OPRK1: variants seen among roughly 807,000 people sequenced by gnomAD.
OPRK1 encodes opioid receptor kappa 1.
OPRK1 carries 15 observed loss-of-function variants against 24.5 expected under a neutral mutation model. That is an observed-to-expected ratio of 0.61 (90% CI 0.41 to 0.94). The LOEUF (loss-of-function observed/expected upper bound fraction) is 0.94, where lower values mean the gene tolerates loss of function less well. Ranked by LOEUF, OPRK1 falls within the 40% of genes least tolerant of loss-of-function variation. The pLI is 0.00. For synonymous variants in OPRK1, 205 were observed against 198.0 expected, an observed-to-expected ratio of 1.04 and a Z score of -0.30; for missense variants, 479 against 507.3, an observed-to-expected ratio of 0.94 and a Z score of 0.54.
At position 53,228,642 on chromosome 8, in the gene OPRK1, T is replaced by G. The variant is rs1412802107; in HGVS notation, c.*655A>C. The G allele has an allele frequency of 1.3e-5, 2 of 152,266 alleles. No homozygotes were observed. Among genetic ancestry groups the G allele is most frequent in the African/African-American group, 2.4e-5 (1 of 41,462 alleles). 9.4% of individuals were successfully genotyped at this position (152,266 alleles called of 1,614,324 possible). A position where few individuals can be genotyped will look rare whatever the true frequency, so the allele number is the denominator to read the frequency against. Reference sequence around the variant, plus strand: ...TGCTAAGAAAAAAAACTGTAGTTTTTGGGAAATTAAACCATGTTAAAAACA... The same window carrying G: ...TGCTAAGAAAAAAAACTGTAGTTTTGGGGAAATTAAACCATGTTAAAAACA... On this transcript the variant is annotated 3_prime_UTR_variant, in exon 4 of 4. Coordinates refer to ENST00000265572, the MANE Select transcript of OPRK1 (RefSeq NM_000912.5).
intron 2 of OPRK1, among the ~76,000 whole-genome samples, chr8:53,235,655 C>A (rs1369840527): frequency 2.0e-5 from 3 of 152,282 alleles, no homozygotes; most frequent in East Asian, 3.9e-4. Context: ...TTCTCCAGTG[C>A]ACCATTAATT....
intron 2 of OPRK1, among the ~76,000 whole-genome samples, chr8:53,246,172 G>T (rs1204738294): frequency 1.3e-5 from 2 of 152,174 alleles, no homozygotes; most frequent in East Asian, 3.9e-4. Context: ...GAGAATGCCA[G>T]AGGATGTGGG....
intron 2 of OPRK1, among the ~76,000 whole-genome samples, chr8:53,238,083 G>A (rs776556710): frequency 2.0e-5 from 3 of 152,180 alleles, no homozygotes; most frequent in African/African-American, 2.4e-5. Context: ...CTCTGTGAAC[G>A]TGAATATAAA....
Position 53,227,788 on chromosome 8 carries a change from A to T in OPRK1, c.*1509T>A, listed in dbSNP as rs1218854021. On this transcript the variant is annotated 3_prime_UTR_variant, in exon 4 of 4. Coordinates refer to ENST00000265572, the MANE Select transcript of OPRK1 (RefSeq NM_000912.5). ...ACACCACCGAGAACTTGCATGGTGA[A>T]CAGAACTTAACAGTTGTAATGATGT... 1 of 152,072 alleles carries T rather than the reference A, an allele frequency of 6.6e-6. No homozygotes were observed. The highest frequency in any genetic ancestry group is 1.5e-5 in the Non-Finnish European group (1 of 68,016). 9.4% of individuals were successfully genotyped at this position (152,072 alleles called of 1,614,324 possible).
At chr8:53,251,340 C>T (rs1443363198) in intron 1 of OPRK1, 108 bp downstream of exon 1, 1 of 454,556 alleles carries the variant, frequency 2.2e-6, no homozygotes, top group Non-Finnish European at 3.9e-6. Flanking sequence ...GGCACCGGCC[C>T]CTGGTGGAAC....
At chr8:53,250,565 C>T (rs1014782131) in intron 2 of OPRK1, among the ~76,000 whole-genome samples, 1 of 152,148 alleles carries the variant, frequency 6.6e-6, no homozygotes, top group East Asian at 1.9e-4. Flanking sequence ...CCTGGCCGCT[C>T]GGATTCGCCT....
chr8:53,236,901 A>G (rs772846516), intron 2 of OPRK1, among the ~76,000 whole-genome samples: 10 of 152,170 alleles, frequency 6.6e-5, no homozygotes, highest in Non-Finnish European at 1.5e-4. Context: ...TTCTTTATGA[A>G]GTCAGAGTGG....
At position 53,229,637 on chromosome 8, in the gene OPRK1, T is replaced by G; in HGVS notation, c.803A>C (p.Asn268Thr). 3.1e-6 allele frequency: 5 copies of G among 1,614,048 alleles called. No homozygotes were observed. Among genetic ancestry groups the G allele is most frequent in the Non-Finnish European group, 4.2e-6 (5 of 1,179,988 alleles). Reference sequence around the variant, plus strand: ...GACCAGTCTGGTGATCCTACGCAGGTTGCGATCTTTCTCTCGGGAGCCAGA... The same window carrying G: ...GACCAGTCTGGTGATCCTACGCAGGGTGCGATCTTTCTCTCGGGAGCCAGA... ...LLSGSREKDR[N>T]LRRITRLVLV... The change falls in exon 4 of 4, where the codon AAC (asparagine) becomes ACC (threonine). Residue 268 changes from asparagine (N) to threonine (T), a missense_variant. Transcript: ENST00000265572.
chr8:53,244,314 G>A (rs1247073863), intron 2 of OPRK1, among the ~76,000 whole-genome samples: 1 of 152,234 alleles, frequency 6.6e-6, no homozygotes, highest in East Asian at 1.9e-4. Flanking sequence ...AGCAAGAAGA[G>A]GAGTATTTTT....
intron 2 of OPRK1, among the ~76,000 whole-genome samples, chr8:53,244,939 G>A (rs764212558): frequency 1.2e-4 from 19 of 152,168 alleles, no homozygotes; most frequent in Non-Finnish European, 2.2e-4. Flanking sequence ...GGATGCTCCA[G>A]TCCCTGATAT....
intron 3 of OPRK1, among the ~76,000 whole-genome samples, chr8:53,233,216 C>G (rs1563327174): frequency 6.6e-6 from 1 of 152,126 alleles, no homozygotes; most frequent in Non-Finnish European, 1.5e-5. Flanking sequence ...GACACATAAC[C>G]CGGAGAGTGA....
At chr8:53,235,240 T>G in intron 2 of OPRK1, 129 bp from the exon 3 acceptor site, 4 of 705,064 alleles carry the variant, frequency 5.7e-6, no homozygotes, top group Non-Finnish European at 9.3e-6. Flanking sequence ...TCATTGAGGG[T>G]CTAACATGTA....
Position 53,234,902 on chromosome 8 carries a change from C to T in OPRK1, c.467G>A (p.Arg156His), listed in dbSNP as rs766490405. The T allele has an allele frequency of 1.1e-5, 18 of 1,614,100 alleles. No individual in the cohort carries two copies. The highest frequency in any genetic ancestry group is 6.7e-5 in the East Asian group (3 of 44,878). Residue 156 changes from arginine to histidine, a missense_variant, in exon 3 of 4, where the codon CGC becomes CAC. By Grantham distance (29) the Arg-to-His change is conservative. Transcript: ENST00000265572. ...IFTLTMMSVD[R>H]YIAVCHPVKA... The stretch of plus-strand genomic sequence containing the variant: ...CACGGGGTGGCACACGGCAATGTAG[C>T]GGTCCACGCTCATCATGGTCAAGGT...
intron 2 of OPRK1, among the ~76,000 whole-genome samples, chr8:53,247,612 G>A (rs769971143): frequency 3.9e-5 from 6 of 152,076 alleles, no homozygotes; most frequent in Non-Finnish European, 5.9e-5. Context: ...GCAAAGGGGC[G>A]TGAGTGTCAT....
chr8:53,242,787 T>A, intron 2 of OPRK1: 1 of 1,208,380 alleles, frequency 8.3e-7, no homozygotes, highest in Non-Finnish European at 1.1e-6. Context: ...ATTACGGGCC[T>A]GAGCCACCGC....
chr8:53,229,302 C>G lies in OPRK1; in HGVS notation c.1138G>C (p.Val380Leu), dbSNP rs765195314. ...LRDIDGMNKP[V>L] ...GAAGACATCTCCACGACTAGTCATACTGGTTTATTCATCCCATCGATGTCC... is the reference window on the plus strand; with the variant it reads ...GAAGACATCTCCACGACTAGTCATAGTGGTTTATTCATCCCATCGATGTCC... The change falls in exon 4 of 4, where the codon GTA becomes CTA. Residue 380 changes from valine to leucine, a missense_variant. Transcript: ENST00000265572. The G allele has an allele frequency of 2.7e-5, 43 of 1,612,166 alleles. No individual in the cohort carries two copies. The highest frequency in any genetic ancestry group is 3.3e-5 in the Non-Finnish European group (39 of 1,178,818).
chr8:53,231,688 G>A (rs560605280), intron 3 of OPRK1, among the ~76,000 whole-genome samples: 1 of 152,266 alleles, frequency 6.6e-6, no homozygotes, highest in South Asian at 2.1e-4. Flanking sequence ...CTGGCACCTA[G>A]GGTAGTACCT....
rs561065713 is a variant in OPRK1 at position 53,246,835 on chromosome 8, G to C, written c.257+3946C>G. Among the ~76,000 whole-genome samples the C allele has an allele frequency of 2.6e-5, 4 of 152,276 alleles. No individual in the cohort carries two copies. In the South Asian group the frequency reaches 8.3e-4, roughly 32 times the overall value. On this transcript the variant is annotated intron_variant, in intron 2 of 3. Coordinates refer to ENST00000265572, the MANE Select transcript of OPRK1 (RefSeq NM_000912.5). ...ATGACCATGAAGAGAATATGATCAG[G>C]TGGAGGGTTTGGGAATAAGGGTAGA...
In OPRK1 at chr8:53,251,466, G is replaced by A. The variant is rs1158924070; in HGVS notation, c.-67C>T. The A allele has an allele frequency of 1.1e-5, 2 of 174,344 alleles. No homozygotes were observed. Among genetic ancestry groups the A allele is most frequent in the East Asian group, 3.3e-4 (2 of 6,034 alleles). 10.8% of individuals were successfully genotyped at this position (174,344 alleles called of 1,614,324 possible). A position where few individuals can be genotyped will look rare whatever the true frequency, so the allele number is the denominator to read the frequency against. ...AGCTTACCTATGGTTCCCAGAGACA[G>A]GCGAAGGCGAGGTTTTTTACGGGAC... On this transcript the variant is annotated 5_prime_UTR_variant, in exon 1 of 4. Transcript: ENST00000265572.
Sources: gnomAD v4.1 joint callset for allele counts (sites outside exome capture counted in the v4.1 genomes callset) on GRCh38, gnomAD v4.1.1 for gene constraint, MANE v1.5 for transcripts, NCBI Gene and HGNC (gene_info 2026-07-23, HGNC 2026-07-21) for gene names.